SEMA6D: variants seen among roughly 807,000 people sequenced by gnomAD.
SEMA6D encodes the protein semaphorin 6D.
In SEMA6D, 35 loss-of-function variants were observed where a neutral mutation model predicts 106.6. That is an observed-to-expected ratio of 0.33 (90% CI 0.25 to 0.44). SEMA6D has a LOEUF of 0.44. Among genes scored for constraint, SEMA6D ranks in the 20% least tolerant of loss-of-function variants. The probability of loss-of-function intolerance (pLI) is 1.00; values close to 1 mark genes in which losing one functional copy is unlikely to be tolerated. For synonymous variants in SEMA6D, 499 were observed against 487.7 expected (o/e 1.02, Z -0.31); for missense variants, 1,185 against 1,345.9 (o/e 0.88, Z 1.87).
chr15:47,712,526 A>G (rs893215156), upstream of SEMA6D, among the ~76,000 whole-genome samples: 1 of 152,214 alleles, frequency 6.6e-6, no homozygotes, highest in Non-Finnish European at 1.5e-5. Context: ...ATCTGGGATG[A>G]AACAGGTATC....
intron 3 of SEMA6D, among the ~76,000 whole-genome samples, chr15:47,502,983 T>A (rs1003007691): frequency 6.6e-6 from 1 of 152,264 alleles, no homozygotes; most frequent in African/African-American, 2.4e-5. Context: ...ATTTTGACAC[T>A]TGATATGAAA....
At chr15:47,614,344 A>C (rs11070600) in intron 4 of SEMA6D, among the ~76,000 whole-genome samples, 1 of 152,202 alleles carries the variant, frequency 6.6e-6, no homozygotes, top group East Asian at 1.9e-4. Flanking sequence ...CATGGCAGGC[A>C]ATACATAACC....
intron 3 of SEMA6D, among the ~76,000 whole-genome samples, chr15:47,590,591 A>G (rs2076421223): frequency 1.3e-5 from 2 of 152,218 alleles, no homozygotes; most frequent in Non-Finnish European, 2.9e-5. Context: ...CTCTGTAGAT[A>G]TAATTATCTA....
chr15:47,331,045 C>T (rs528076567), intron 1 of SEMA6D, among the ~76,000 whole-genome samples: 1 of 152,136 alleles, frequency 6.6e-6, no homozygotes, highest in Non-Finnish European at 1.5e-5. Context: ...CACAGTAGTA[C>T]AGGACATGAG....
Position 47,243,356 on chromosome 15 carries a change from G to A in SEMA6D, c.-239+58938G>A, listed in dbSNP as rs571487187. 9.2e-5 allele frequency among the ~76,000 whole-genome samples: 14 copies of A among 151,368 alleles called. No individual in the cohort carries two copies. In the East Asian group the frequency reaches 1.2e-3, roughly 13 times the overall value. On this transcript the variant is annotated intron_variant, in intron 1 of 19. Transcript: ENST00000558014. Reference sequence around the variant, plus strand: ...TCTTACATCATCATTATCTGTGTCAGATTTTAAGAGCCCAGGAGGCAAGAA... The same window carrying A: ...TCTTACATCATCATTATCTGTGTCAAATTTTAAGAGCCCAGGAGGCAAGAA...
At chr15:47,623,459 G>T (rs2077145534) in intron 4 of SEMA6D, among the ~76,000 whole-genome samples, 1 of 152,078 alleles carries the variant, frequency 6.6e-6, no homozygotes, top group Admixed American at 6.5e-5. Context: ...AATGTTTGTT[G>T]TCAGTAGTAA....
intron 2 of SEMA6D, among the ~76,000 whole-genome samples, chr15:47,432,771 CT>C (rs1331436145): frequency 6.6e-6 from 1 of 152,088 alleles, no homozygotes; most frequent in East Asian, 1.9e-4. Context: ...TAATTATGAT[CT>C]GAGCATCACT....
intron 4 of SEMA6D, among the ~76,000 whole-genome samples, chr15:47,618,601 T>A (rs1298905699): frequency 6.6e-6 from 1 of 152,214 alleles, no homozygotes; most frequent in Non-Finnish European, 1.5e-5. Flanking sequence ...TTTCCCATTA[T>A]AGAAATAGTA....
At chr15:47,310,961 G>A (rs1440577525) in intron 1 of SEMA6D, among the ~76,000 whole-genome samples, 2 of 152,064 alleles carry the variant, frequency 1.3e-5, no homozygotes, top group African/African-American at 2.4e-5. Flanking sequence ...CTAAATTCTT[G>A]GCCAAAACTG....
chr15:47,762,138 C>G (rs114903830), intron 7 of SEMA6D, 62 bp from the exon 8 acceptor site: 1 of 1,602,786 alleles, frequency 6.2e-7, no homozygotes, highest in Middle Eastern at 1.7e-4. Flanking sequence ...AACACGCTGC[C>G]AAAGCTAACA....
intron 1 of SEMA6D, among the ~76,000 whole-genome samples, chr15:47,382,262 A>C (rs2039666050): frequency 6.6e-6 from 1 of 152,174 alleles, no homozygotes; most frequent in Admixed American, 6.5e-5. Flanking sequence ...TAATCCCAGC[A>C]CTTTGGGAGG....
intron 4 of SEMA6D, among the ~76,000 whole-genome samples, chr15:47,678,587 T>C (rs2078290145): frequency 6.6e-6 from 1 of 151,950 alleles, no homozygotes; most frequent in African/African-American, 2.4e-5. Flanking sequence ...AAAGGGCACA[T>C]AGCTAGTAAG....
At chr15:47,370,063 C>T (rs1228841244) in intron 1 of SEMA6D, among the ~76,000 whole-genome samples, 1 of 152,200 alleles carries the variant, frequency 6.6e-6, no homozygotes, top group African/African-American at 2.4e-5. Flanking sequence ...CATAAACCAA[C>T]TGAGTTTGGC....
chr15:47,448,379 A>G (rs552125378), intron 2 of SEMA6D, among the ~76,000 whole-genome samples: 423 of 151,994 alleles, frequency 2.8e-3, no homozygotes, highest in Non-Finnish European at 4.7e-3. Flanking sequence ...GTGAGGCTTC[A>G]GTGATTTGTG....
chr15:47,628,252 CA>C (rs1353665538), intron 4 of SEMA6D, among the ~76,000 whole-genome samples: 4 of 151,320 alleles, frequency 2.6e-5, no homozygotes, highest in Admixed American at 6.6e-5. Context: ...TTTATGTGAA[CA>C]TTTTTTTCAT....
At position 47,772,346 on chromosome 15, in the gene SEMA6D, T is replaced by TTG. The variant is rs746420427; in HGVS notation, c.*570_*571dup. The TTG allele has an allele frequency of 0.012, 1,022 of 83,782 alleles. 5 individuals are homozygous for TTG. Among genetic ancestry groups the TTG allele is most frequent in the Admixed American group, 0.034 (316 of 9,392 alleles). 5.2% of individuals were successfully genotyped at this position (83,782 alleles called of 1,614,324 possible). On this transcript the variant is annotated 3_prime_UTR_variant, in exon 19 of 19. Transcript: ENST00000536845. ...CTTTTTCATGCCACCAACAAACTTG[T>TTG]TGTGTGTGTGCGTGTGTGTGTGTGT...
intron 1 of SEMA6D, among the ~76,000 whole-genome samples, chr15:47,289,191 C>T (rs573026784): frequency 1.3e-5 from 2 of 151,750 alleles, no homozygotes; most frequent in East Asian, 1.9e-4. Context: ...GTCAGGAATT[C>T]GAGACCAGCC....
At chr15:47,222,249 G>T (rs2031276508) in intron 1 of SEMA6D, among the ~76,000 whole-genome samples, 2 of 152,188 alleles carry the variant, frequency 1.3e-5, no homozygotes, top group African/African-American at 4.8e-5. Flanking sequence ...CATCATATGA[G>T]ATGTCCAGAA....
intron 3 of SEMA6D, among the ~76,000 whole-genome samples, chr15:47,592,808 A>G (rs747182066): frequency 1.3e-4 from 20 of 152,236 alleles, no homozygotes; most frequent in South Asian, 6.2e-4. Flanking sequence ...TCCAATGATT[A>G]TTCATCGTAA....
Sources: allele counts gnomAD v4.1 joint callset (sites outside exome capture counted in the v4.1 genomes callset), GRCh38; gene constraint gnomAD v4.1.1; transcripts MANE v1.5; gene names NCBI Gene and HGNC (gene_info 2026-07-23, HGNC 2026-07-21).